STMN2: variants seen among roughly 807,000 people sequenced by gnomAD.
STMN2 encodes stathmin-2.
In STMN2, 2 loss-of-function variants were observed where a neutral mutation model predicts 24.1. The ratio of observed to expected loss-of-function variants is 0.08; its 90% CI spans 0.03 to 0.26. The LOEUF (loss-of-function observed/expected upper bound fraction) is 0.26, where lower values mean the gene tolerates loss of function less well. Ranked by LOEUF, STMN2 falls within the 10% of genes least tolerant of loss-of-function variation. STMN2 has a pLI of 1.00. For synonymous variants in STMN2, 83 were observed against 77.5 expected (o/e 1.07, Z -0.37); for missense variants, 114 against 213.6 (o/e 0.53, Z 2.91).
intron 4 of STMN2, among the ~76,000 whole-genome samples, chr8:79,656,896 T>G (rs537257132): frequency 2.0e-5 from 3 of 148,930 alleles, no homozygotes; most frequent in Non-Finnish European, 4.5e-5. Flanking sequence ...TTTTTTGAGA[T>G]AGAGTCTCGC....
intron 3 of STMN2, among the ~76,000 whole-genome samples, chr8:79,650,380 G>A (rs1340417586): frequency 6.6e-6 from 1 of 152,162 alleles, no homozygotes; most frequent in Non-Finnish European, 1.5e-5. Context: ...CATGTAGTGA[G>A]AACTTTACTT....
chr8:79,659,422 ACCTG>A (rs1240049507), intron 4 of STMN2, among the ~76,000 whole-genome samples: 3 of 152,096 alleles, frequency 2.0e-5, no homozygotes, highest in South Asian at 2.1e-4. Flanking sequence ...AGGGGGAAAC[ACCTG>A]TTCTTGACAT....
rs546646518 is a variant in STMN2 at position 79,639,203 on chromosome 8, C to T, written c.116-2175C>T. ...CTTGGTTGCCACAATTTTAAAAAGA[C>T]GTTAATAAATTAGAGAGCACTTAGA... On this transcript the variant is annotated intron_variant, in intron 2 of 4. Coordinates refer to ENST00000220876, the MANE Select transcript of STMN2 (RefSeq NM_007029.4). Among the ~76,000 whole-genome samples, 22 of 152,118 alleles carry T rather than the reference C, an allele frequency of 1.4e-4. No homozygotes were observed. In the South Asian group the frequency reaches 2.1e-3, roughly 14 times the overall value.
intron 1 of STMN2, among the ~76,000 whole-genome samples, chr8:79,612,319 TAG>T (rs1028511910): frequency 2.6e-5 from 4 of 152,132 alleles, no homozygotes; most frequent in East Asian, 3.9e-4. Flanking sequence ...GCAAATTACA[TAG>T]AGTGTTTAGA....
intron 1 of STMN2, chr8:79,621,090 G>A (rs1344397784): frequency 1.1e-6 from 1 of 882,692 alleles, no homozygotes; most frequent in Non-Finnish European, 1.4e-6. Context: ...CTCCACCAGT[G>A]CTGCTGGTGC....
intron 1 of STMN2, chr8:79,631,497 G>C: frequency 1.1e-6 from 1 of 911,416 alleles, no homozygotes; most frequent in Non-Finnish European, 1.3e-6. Flanking sequence ...GAAATATCTA[G>C]AATATTACCT....
chr8:79,654,756 C>A, intron 3 of STMN2, 115 bp from the exon 4 acceptor site: 3 of 1,186,390 alleles, frequency 2.5e-6, no homozygotes, highest in East Asian at 2.6e-5. Context: ...GACAATAGTG[C>A]TCAAGGCTGG....
At chr8:79,613,194 A>C (rs2130287431) in intron 1 of STMN2, among the ~76,000 whole-genome samples, 1 of 151,950 alleles carries the variant, frequency 6.6e-6, no homozygotes. Context: ...ATTTTCCAGA[A>C]TGGAGACCCC....
chr8:79,655,754 C>G (rs1281841206), intron 4 of STMN2, among the ~76,000 whole-genome samples: 1 of 152,200 alleles, frequency 6.6e-6, no homozygotes, highest in Non-Finnish European at 1.5e-5. Context: ...CCACCTATCC[C>G]CTCAAAAAAC....
At chr8:79,633,728 C>T (rs1368800492) in intron 1 of STMN2, among the ~76,000 whole-genome samples, 1 of 152,170 alleles carries the variant, frequency 6.6e-6, no homozygotes, top group Non-Finnish European at 1.5e-5. Flanking sequence ...AAAGACCCCA[C>T]CTCCAAATAC....
rs115552329 is a variant in STMN2 at position 79,640,909 on chromosome 8, G to A, written c.116-469G>A. On this transcript the variant is annotated intron_variant, in intron 2 of 4. Coordinates refer to ENST00000220876, the MANE Select transcript of STMN2 (RefSeq NM_007029.4). The stretch of plus-strand genomic sequence containing the variant: ...TATATAATGGTGCATGCATATATAC[G>A]CATATCTAGATAATGATATCTCATT... Among the ~76,000 whole-genome samples, 526 of 152,168 alleles carry A rather than the reference G, an allele frequency of 3.5e-3. 6 individuals are homozygous for A. The highest frequency in any genetic ancestry group is 0.012 in the African/African-American group (513 of 41,514).
chr8:79,641,511 G>T lies in STMN2; in HGVS notation c.249G>T (p.Glu83Asp), dbSNP rs1297225361. ...SPKKKDLSLEEIQKKLEAAEE... is the reference protein window; with the variant it reads ...SPKKKDLSLEDIQKKLEAAEE... The stretch of plus-strand genomic sequence containing the variant: ...AGAAGAAAGACCTGTCCCTGGAGGA[G>T]ATCCAGAAGAAACTGGAGGCTGCAG... Residue 83 changes from glutamate to aspartate, a missense_variant, in exon 3 of 5, where the codon GAG (glutamate) becomes GAT (aspartate). Transcript: ENST00000220876. The T allele has an allele frequency of 1.2e-6, 2 of 1,613,742 alleles. No individual in the cohort carries two copies. The highest frequency in any genetic ancestry group is 1.7e-6 in the Non-Finnish European group (2 of 1,179,976).
At chr8:79,643,965 GT>G (rs71266024) in intron 3 of STMN2, among the ~76,000 whole-genome samples, 23 of 150,756 alleles carry the variant, frequency 1.5e-4, no homozygotes, top group African/African-American at 4.6e-4. Flanking sequence ...GTTTTTTATG[GT>G]TTTTTTTTGT....
At chr8:79,626,503 A>G (rs988647071) in intron 1 of STMN2, among the ~76,000 whole-genome samples, 8 of 152,244 alleles carry the variant, frequency 5.3e-5, no homozygotes, top group African/African-American at 1.4e-4. Context: ...TTGCACTTCA[A>G]AATGCACTGA....
chr8:79,665,975 T>G lies in STMN2; in HGVS notation c.*1101T>G, dbSNP rs1191734832. ...CAGTTAAGGGGGCTAGGCAGGGCATTTGTGCCAACTAAGAATCACCAGATA... is the reference window on the plus strand; with the variant it reads ...CAGTTAAGGGGGCTAGGCAGGGCATGTGTGCCAACTAAGAATCACCAGATA... On this transcript the variant is annotated 3_prime_UTR_variant, in exon 5 of 5. Coordinates refer to ENST00000220876, the MANE Select transcript of STMN2 (RefSeq NM_007029.4). 1 of 152,184 alleles carries G rather than the reference T, an allele frequency of 6.6e-6. No homozygotes were observed. The highest frequency in any genetic ancestry group is 1.9e-4 in the East Asian group (1 of 5,196). The allele number at this position is 152,184 out of a possible 1,614,324, so 9.4% of individuals were successfully genotyped here.
At chr8:79,660,038 T>C (rs17525170) in intron 4 of STMN2, among the ~76,000 whole-genome samples, 23,672 of 152,158 alleles carry the variant, frequency 0.16, 2,157 homozygotes, top group Non-Finnish European at 0.21. Flanking sequence ...TTTTCAAATG[T>C]GAATTGCTAA....
At chr8:79,661,565 A>G (rs1406732556) in intron 4 of STMN2, among the ~76,000 whole-genome samples, 1 of 152,174 alleles carries the variant, frequency 6.6e-6, no homozygotes, top group Non-Finnish European at 1.5e-5. Context: ...ATAATGAAAT[A>G]GGAAAAGGGA....
At chr8:79,624,462 AAAAAAAAAAAAAAAAAG>A (rs1045130386) in intron 1 of STMN2, among the ~76,000 whole-genome samples, 2 of 149,396 alleles carry the variant, frequency 1.3e-5, no homozygotes, top group African/African-American at 4.9e-5. Flanking sequence ...TCAAAAAAAA[AAAAAAAAAAAAAAAAAG>A]AAAGAAAGAA....
At chr8:79,645,316 A>G (rs539179936) in intron 3 of STMN2, among the ~76,000 whole-genome samples, 2 of 152,368 alleles carry the variant, frequency 1.3e-5, no homozygotes, top group Non-Finnish European at 2.9e-5. Flanking sequence ...TAATCAATAT[A>G]GAAGTATTAA....
Sources: gnomAD v4.1 joint callset for allele counts (sites outside exome capture counted in the v4.1 genomes callset) on GRCh38, gnomAD v4.1.1 for gene constraint, MANE v1.5 for transcripts, NCBI Gene and HGNC (gene_info 2026-07-23, HGNC 2026-07-21) for gene names.